Variants in SPATA16 observed in about 807,000 individuals in gnomAD.
SPATA16 encodes spermatogenesis-associated protein 16.
In SPATA16, 36 loss-of-function variants were observed where a neutral mutation model predicts 63.3. The ratio of observed to expected loss-of-function variants is 0.57; its 90% confidence interval spans 0.44 to 0.75. SPATA16 has a LOEUF of 0.75. SPATA16 is among the 30% of genes least tolerant of loss of function. The probability of loss-of-function intolerance (pLI) is 0.00; values close to 1 mark genes in which losing one functional copy is unlikely to be tolerated. For missense variants in SPATA16, 646 were observed against 679.3 expected (o/e 0.95, Z 0.54); for synonymous variants, 203 against 216.7 (o/e 0.94, Z 0.56).
intron 4 of SPATA16, among the ~76,000 whole-genome samples, chr3:172,993,249 C>T (rs1461964631): frequency 6.6e-6 from 1 of 151,558 alleles, no homozygotes; most frequent in Middle Eastern, 3.2e-3. Context: ...CAAGTGACAG[C>T]TTGCCATTCT....
At position 172,912,434 on chromosome 3, in the gene SPATA16, C is replaced by T. The variant is rs139921271; in HGVS notation, c.1587+1227G>A. Among the ~76,000 whole-genome samples, 81 of 152,152 alleles carry T rather than the reference C, an allele frequency of 5.3e-4. 1 individual carries two copies. The highest frequency in any genetic ancestry group is 1.0e-3 in the Non-Finnish European group (70 of 68,006). On this transcript the variant is annotated intron_variant, in intron 10 of 10. Coordinates refer to ENST00000351008, the MANE Select transcript of SPATA16 (RefSeq NM_031955.6). The stretch of plus-strand genomic sequence containing the variant: ...TAGATATGTATTCAACACATATTTG[C>T]TGACAGTCAGTTTCTGGGTTTTTTT...
intron 2 of SPATA16, among the ~76,000 whole-genome samples, chr3:173,067,599 G>C (rs1736552471): frequency 6.6e-6 from 1 of 151,758 alleles, no homozygotes; most frequent in Non-Finnish European, 1.5e-5. Flanking sequence ...TAAAATGAAA[G>C]TTGGGAAAAA....
chr3:173,075,902 G>C (rs769765562), intron 2 of SPATA16, among the ~76,000 whole-genome samples: 23 of 152,098 alleles, frequency 1.5e-4, no homozygotes, highest in African/African-American at 5.1e-4. Context: ...GTATATTTCA[G>C]AATTACTGAA....
chr3:172,892,863 T>C (rs1053871698), intron 10 of SPATA16, among the ~76,000 whole-genome samples: 1 of 152,226 alleles, frequency 6.6e-6, no homozygotes, highest in East Asian at 1.9e-4. Flanking sequence ...GGGTCTAATT[T>C]TCCCCGTTGA....
chr3:173,023,390 A>C (rs1228056777), intron 3 of SPATA16, among the ~76,000 whole-genome samples: 1 of 152,046 alleles, frequency 6.6e-6, no homozygotes, highest in African/African-American at 2.4e-5. Context: ...TCTGTGACAG[A>C]AAATGCTCTA....
chr3:172,903,063 G>A (rs1732154392), intron 10 of SPATA16, among the ~76,000 whole-genome samples: 1 of 152,170 alleles, frequency 6.6e-6, no homozygotes, highest in South Asian at 2.1e-4. Context: ...ATGTCCTATG[G>A]TTCATTTAGC....
At chr3:173,099,476 G>T (rs535930796) in intron 2 of SPATA16, among the ~76,000 whole-genome samples, 1 of 152,198 alleles carries the variant, frequency 6.6e-6, no homozygotes, top group East Asian at 1.9e-4. Context: ...TCCCCTGGGG[G>T]TCTTGGTATG....
intron 2 of SPATA16, among the ~76,000 whole-genome samples, chr3:173,094,409 G>A (rs1737299397): frequency 6.6e-6 from 1 of 152,148 alleles, no homozygotes; most frequent in Non-Finnish European, 1.5e-5. Context: ...TGAATTTCAA[G>A]CATATAGTTG....
chr3:172,998,075 A>G (rs1422291158), intron 4 of SPATA16, among the ~76,000 whole-genome samples: 1 of 152,108 alleles, frequency 6.6e-6, no homozygotes, highest in African/African-American at 2.4e-5. Context: ...TATAAATGAA[A>G]TAACACTGAA....
intron 6 of SPATA16, among the ~76,000 whole-genome samples, chr3:172,926,497 G>T (rs1464654365): frequency 6.6e-6 from 1 of 152,166 alleles, no homozygotes; most frequent in Non-Finnish European, 1.5e-5. Context: ...TGGATAAGAG[G>T]TTGAGGGACA....
chr3:173,079,064 G>T (rs752075799), intron 2 of SPATA16, among the ~76,000 whole-genome samples: 7 of 152,044 alleles, frequency 4.6e-5, no homozygotes, highest in South Asian at 2.1e-4. Flanking sequence ...TATTGTCAAT[G>T]TCATCTGTCA....
intron 3 of SPATA16, among the ~76,000 whole-genome samples, chr3:173,042,674 GA>G (rs1171444378): frequency 6.6e-6 from 1 of 152,120 alleles, no homozygotes; most frequent in African/African-American, 2.4e-5. Flanking sequence ...TATATTTAAA[GA>G]AGAGAAAACA....
rs1020210548 is a variant in SPATA16, at chr3:173,064,564, A to T, written c.613-15470T>A. 3.9e-5 allele frequency among the ~76,000 whole-genome samples: 6 copies of T among 152,258 alleles called. No homozygotes were observed. In the South Asian group the frequency reaches 1.2e-3, roughly 32 times the overall value. On this transcript the variant is annotated intron_variant, in intron 2 of 10. Coordinates refer to ENST00000351008, the MANE Select transcript of SPATA16 (RefSeq NM_031955.6). ...TCTTGTCCACACATCTGCAGGTTGG[A>T]CTAAGGGTGGGCAATCTTAGCTGTG...
intron 3 of SPATA16, among the ~76,000 whole-genome samples, chr3:173,041,827 T>G (rs940206485): frequency 2.0e-5 from 3 of 151,898 alleles, no homozygotes; most frequent in Non-Finnish European, 2.9e-5. Context: ...GGGGGAGGGA[T>G]AGCATTAGGA....
At position 172,904,307 on chromosome 3, in the gene SPATA16, G is replaced by A. The variant is rs116423660; in HGVS notation, c.1587+9354C>T. ...TTCCAATTGTGATAGTTATTCAAAA[G>A]CAAGCTTCAGACAAACTAACATAGT... On this transcript the variant is annotated intron_variant, in intron 10 of 10. Transcript: ENST00000351008. 3.2e-3 allele frequency among the ~76,000 whole-genome samples: 492 copies of A among 152,276 alleles called. 3 individuals carry two copies. Among genetic ancestry groups the A allele is most frequent in the African/African-American group, 0.011 (466 of 41,572 alleles).
rs1168133726 is a variant in SPATA16, at chr3:173,117,749, C to T, written c.-18G>A. 1 of 1,613,916 alleles carries T rather than the reference C, an allele frequency of 6.2e-7. No homozygotes were observed. Among genetic ancestry groups the T allele is most frequent in the African/African-American group, 1.3e-5 (1 of 74,914 alleles). On this transcript the variant is annotated splice_region_variant and 5_prime_UTR_variant, in exon 2 of 11. Transcript: ENST00000351008. ...GCATCCATCGATCCTGCCCAAAACT[C>T]CTGCAGGGGGGAGAAAAAGGAAAGT...
Position 172,925,503 on chromosome 3 carries a change from A to G in SPATA16, c.1082-11T>C, listed in dbSNP as rs757986283. On this transcript the variant is annotated splice_polypyrimidine_tract_variant and intron_variant, in intron 6 of 10. Transcript: ENST00000351008. ...GGAGTGCTTGAAGATCTGAAATATG[A>G]CAGAAAGAGAACTAAGAGGCTTTGT... 2 of 1,613,942 alleles carry G rather than the reference A, an allele frequency of 1.2e-6. No homozygotes were observed. The highest frequency in any genetic ancestry group is 1.7e-5 in the Admixed American group (1 of 60,010).
At chr3:173,114,854 A>C (rs1188542856) in intron 2 of SPATA16, among the ~76,000 whole-genome samples, 1 of 152,238 alleles carries the variant, frequency 6.6e-6, no homozygotes, top group Admixed American at 6.5e-5. Flanking sequence ...GGAAAAGAAA[A>C]GAAAGGCTGA....
chr3:172,928,174 G>A (rs1454743126), intron 6 of SPATA16, among the ~76,000 whole-genome samples: 1 of 152,162 alleles, frequency 6.6e-6, no homozygotes, highest in African/African-American at 2.4e-5. Context: ...CTCCCAAAGT[G>A]TTGGGATTAT....
Sources: allele counts gnomAD v4.1 joint callset (sites outside exome capture counted in the v4.1 genomes callset), GRCh38; gene constraint gnomAD v4.1.1; transcripts MANE v1.5; gene names NCBI Gene and HGNC (gene_info 2026-07-23, HGNC 2026-07-21).